Variants in TFDP2 observed in about 807,000 individuals in gnomAD.
TFDP2 encodes transcription factor Dp-2.
In TFDP2, 17 loss-of-function variants were observed where a neutral mutation model predicts 59.3. The ratio of observed to expected loss-of-function variants is 0.29; its 90% confidence interval spans 0.20 to 0.43. The LOEUF (loss-of-function observed/expected upper bound fraction) is 0.43. Among genes scored for constraint, TFDP2 ranks in the 20% least tolerant of loss-of-function variants. TFDP2 has a pLI of 1.00. For synonymous variants in TFDP2, 180 were observed against 194.7 expected, an observed-to-expected ratio of 0.92 and a Z score of 0.63; for missense variants, 391 against 528.8, an observed-to-expected ratio of 0.74 and a Z score of 2.56.
chr3:142,100,130 C>T (rs188614676), intron 2 of TFDP2, among the ~76,000 whole-genome samples: 3 of 152,172 alleles, frequency 2.0e-5, no homozygotes, highest in African/African-American at 7.2e-5. Flanking sequence ...TGTTTGTTAA[C>T]GCTATTGTTC....
intron 3 of TFDP2, among the ~76,000 whole-genome samples, chr3:142,091,347 G>A (rs953736890): frequency 1.2e-4 from 18 of 152,046 alleles, no homozygotes; most frequent in African/African-American, 4.3e-4. Flanking sequence ...AGCTAGGCCA[G>A]GTGTGGTGGC....
At chr3:142,063,422 C>A (rs1282818377) in intron 3 of TFDP2, among the ~76,000 whole-genome samples, 1 of 152,104 alleles carries the variant, frequency 6.6e-6, no homozygotes, top group Non-Finnish European at 1.5e-5. Context: ...ACAAAATTAG[C>A]TATCATATAC....
Position 141,945,461 on chromosome 3 carries a change from ATGG to A in TFDP2, c.*7049_*7051del, listed in dbSNP as rs1195230815. Reference sequence around the variant, plus strand: ...CTCTTTTGTCCAAAACTCAAGAGTGATGGTGGTGAACCAAGTGCGTGAAGGAAC... The same window carrying A: ...CTCTTTTGTCCAAAACTCAAGAGTGATGGTGAACCAAGTGCGTGAAGGAAC... On this transcript the variant is annotated 3_prime_UTR_variant, in exon 13 of 13. Coordinates refer to ENST00000489671, the MANE Select transcript of TFDP2 (RefSeq NM_001178139.2). 1 of 152,310 alleles carries A rather than the reference ATGG, an allele frequency of 6.6e-6. No homozygotes were observed. Among genetic ancestry groups the A allele is most frequent in the Non-Finnish European group, 1.5e-5 (1 of 68,116 alleles). 9.4% of individuals were successfully genotyped at this position (152,310 alleles called of 1,614,324 possible).
At chr3:142,056,788 T>C (rs769712211) in intron 3 of TFDP2, among the ~76,000 whole-genome samples, 22 of 152,250 alleles carry the variant, frequency 1.4e-4, no homozygotes, top group South Asian at 1.0e-3. Flanking sequence ...CCAATATCCA[T>C]GTATGAATAT....
intron 1 of TFDP2, among the ~76,000 whole-genome samples, chr3:142,113,713 CA>C (rs1277546990): frequency 6.6e-6 from 1 of 152,006 alleles, no homozygotes; most frequent in Admixed American, 6.6e-5. Flanking sequence ...ATGGGGCATT[CA>C]AAAGGAAGCA....
At chr3:142,061,297 G>A (rs1051810199) in intron 3 of TFDP2, among the ~76,000 whole-genome samples, 4 of 152,052 alleles carry the variant, frequency 2.6e-5, no homozygotes, top group Non-Finnish European at 5.9e-5. Context: ...AATCATCCAG[G>A]AAATACAAAT....
intron 1 of TFDP2, among the ~76,000 whole-genome samples, chr3:142,120,624 C>T (rs146075907): frequency 4.7e-4 from 71 of 152,258 alleles, no homozygotes; most frequent in African/African-American, 1.7e-3. Flanking sequence ...GTCAAACTCT[C>T]CATATAGCTA....
At chr3:142,137,288 C>T (rs147214704) in intron 1 of TFDP2, among the ~76,000 whole-genome samples, 12,669 of 152,230 alleles carry the variant, frequency 0.083, 656 homozygotes, top group Middle Eastern at 0.14. Flanking sequence ...TGGGCTGAGA[C>T]GATGGGGTTT....
intron 3 of TFDP2, among the ~76,000 whole-genome samples, chr3:142,005,868 G>A (rs185270085): frequency 3.6e-4 from 54 of 152,074 alleles, no homozygotes; most frequent in Admixed American, 9.8e-4. Context: ...AATATGTAAC[G>A]CAAATCACAG....
intron 6 of TFDP2, among the ~76,000 whole-genome samples, chr3:141,983,808 G>C (rs185278578): frequency 6.6e-6 from 1 of 151,966 alleles, no homozygotes; most frequent in East Asian, 1.9e-4. Context: ...AACTGAAAAC[G>C]AGAAAGTGTT....
At chr3:141,986,207 G>A (rs1412086130) in intron 6 of TFDP2, among the ~76,000 whole-genome samples, 1 of 152,216 alleles carries the variant, frequency 6.6e-6, no homozygotes, top group Non-Finnish European at 1.5e-5. Context: ...CCATCGTCTA[G>A]TGACTTACAG....
chr3:142,130,328 T>C (rs1347053583), intron 1 of TFDP2, among the ~76,000 whole-genome samples: 3 of 152,028 alleles, frequency 2.0e-5, no homozygotes, highest in Non-Finnish European at 4.4e-5. Context: ...CAAAGTGAAA[T>C]AGGCCAGTCA....
intron 1 of TFDP2, among the ~76,000 whole-genome samples, chr3:142,134,765 C>T (rs545362584): frequency 5.9e-5 from 9 of 152,092 alleles, no homozygotes; most frequent in Admixed American, 1.3e-4. Context: ...GATAGAAAGA[C>T]AACAGACAAA....
intron 3 of TFDP2, among the ~76,000 whole-genome samples, chr3:142,063,693 A>C (rs977691964): frequency 3.3e-5 from 5 of 152,206 alleles, no homozygotes; most frequent in Admixed American, 1.3e-4. Flanking sequence ...GAATAACTTT[A>C]TTTCTTTCTT....
At chr3:142,081,834 TAAA>T (rs906573698) in intron 3 of TFDP2, among the ~76,000 whole-genome samples, 1 of 152,020 alleles carries the variant, frequency 6.6e-6, no homozygotes, top group Admixed American at 6.6e-5. Flanking sequence ...GAAGCAGTAA[TAAA>T]AAGGCTTTCA....
At chr3:142,008,029 A>G (rs1305185288) in intron 3 of TFDP2, among the ~76,000 whole-genome samples, 2 of 152,096 alleles carry the variant, frequency 1.3e-5, no homozygotes, top group African/African-American at 2.4e-5. Flanking sequence ...TTAATTTGCA[A>G]CTTCATATCT....
chr3:141,950,539 T>C lies in TFDP2; in HGVS notation c.*1974A>G, dbSNP rs1453735816. On this transcript the variant is annotated 3_prime_UTR_variant, in exon 13 of 13. Transcript: ENST00000489671. Reference sequence around the variant, plus strand: ...AGAATGTTGCTACTTGGTGAAGGAATGGTTATCATTAGTGCACCTGTCTTA... The same window carrying C: ...AGAATGTTGCTACTTGGTGAAGGAACGGTTATCATTAGTGCACCTGTCTTA... The C allele has an allele frequency of 1.3e-5, 2 of 152,644 alleles. No individual in the cohort carries two copies. The highest frequency in any genetic ancestry group is 2.1e-4 in the South Asian group (1 of 4,830). The allele number at this position is 152,644 out of a possible 1,614,324, so 9.5% of individuals were successfully genotyped here. A position where few individuals can be genotyped will look rare whatever the true frequency, so the allele number is the denominator to read the frequency against.
intron 6 of TFDP2, among the ~76,000 whole-genome samples, chr3:141,991,774 G>A (rs928825053): frequency 1.3e-5 from 2 of 152,096 alleles, no homozygotes; most frequent in Non-Finnish European, 2.9e-5. Context: ...TGGGCGTGGT[G>A]GATCATGCCT....
intron 3 of TFDP2, among the ~76,000 whole-genome samples, chr3:142,071,407 A>T (rs2060244717): frequency 6.6e-6 from 1 of 152,032 alleles, no homozygotes; most frequent in South Asian, 2.1e-4. Context: ...ATCCAACTGC[A>T]TTGGTCTCTC....
Sources: gnomAD v4.1 joint callset for allele counts (sites outside exome capture counted in the v4.1 genomes callset) on GRCh38, gnomAD v4.1.1 for gene constraint, MANE v1.5 for transcripts, NCBI Gene and HGNC (gene_info 2026-07-23, HGNC 2026-07-21) for gene names.